ADAMTS6: variants seen among roughly 807,000 people sequenced by gnomAD.
The protein encoded by ADAMTS6 is ADAM metallopeptidase with thrombospondin type 1 motif 6.
Under a neutral mutation model 144.3 loss-of-function variants are expected in ADAMTS6, and 23 were observed. The observed-to-expected ratio is 0.16, with a 90% CI of 0.11 to 0.23. The LOEUF (loss-of-function observed/expected upper bound fraction) is 0.23. Among genes scored for constraint, ADAMTS6 ranks in the 10% least tolerant of loss-of-function variants. ADAMTS6 has a pLI of 1.00. For missense variants in ADAMTS6, 999 were observed against 1,379.6 expected (o/e 0.72, Z 4.37); for synonymous variants, 444 against 457.5 (o/e 0.97, Z 0.38).
chr5:65,422,700 T>C (rs1330284061), intron 7 of ADAMTS6, among the ~76,000 whole-genome samples: 1 of 151,846 alleles, frequency 6.6e-6, no homozygotes, highest in African/African-American at 2.4e-5. Context: ...CTAGTGAGAA[T>C]GTAAATTACT....
At chr5:65,264,068 G>A (rs935825128) in intron 12 of ADAMTS6, among the ~76,000 whole-genome samples, 12 of 152,070 alleles carry the variant, frequency 7.9e-5, no homozygotes, top group African/African-American at 2.7e-4. Context: ...CTTCTTCATC[G>A]CTATACTCTA....
Position 65,172,875 on chromosome 5 carries a change from C to T in ADAMTS6, c.3044G>A (p.Gly1015Asp). ...GACCCAGCGAGGAGGAGGGCAGCGG[C>T]CCAAACTGCAGCGGATGCGGACAGG... ...KPPVRIRCSL[G>D]RCPPPRWVTG... The change falls in exon 23 of 25, where the codon GGC becomes GAC. Residue 1015 changes from glycine (G) to aspartate (D), a missense_variant. Transcript: ENST00000381055. 1 of 1,614,198 alleles carries T rather than the reference C, an allele frequency of 6.2e-7. No individual in the cohort carries two copies. Among genetic ancestry groups the T allele is most frequent in the Non-Finnish European group, 8.5e-7 (1 of 1,180,028 alleles).
At chr5:65,326,117 AC>A (rs1484768263) in intron 9 of ADAMTS6, among the ~76,000 whole-genome samples, 4 of 151,928 alleles carry the variant, frequency 2.6e-5, no homozygotes, top group Admixed American at 2.0e-4. Context: ...TATTTTTAAG[AC>A]CCCTTGTTAA....
At chr5:65,406,362 G>T (rs1347868472) in intron 7 of ADAMTS6, among the ~76,000 whole-genome samples, 1 of 152,008 alleles carries the variant, frequency 6.6e-6, no homozygotes, top group Non-Finnish European at 1.5e-5. Context: ...ATGAAGGGGT[G>T]TTGAATTTTG....
intron 14 of ADAMTS6, among the ~76,000 whole-genome samples, chr5:65,259,045 T>C (rs555461246): frequency 8.7e-4 from 132 of 152,080 alleles, no homozygotes; most frequent in African/African-American, 3.1e-3. Context: ...TACTCTAACA[T>C]TGAGGTCAGA....
intron 7 of ADAMTS6, among the ~76,000 whole-genome samples, chr5:65,379,319 C>G (rs1751829903): frequency 6.6e-6 from 1 of 152,090 alleles, no homozygotes; most frequent in Non-Finnish European, 1.5e-5. Context: ...GGGATTGAAC[C>G]CCATCTTTGC....
chr5:65,407,826 T>A (rs895665875), intron 7 of ADAMTS6, among the ~76,000 whole-genome samples: 2 of 152,106 alleles, frequency 1.3e-5, no homozygotes, highest in Admixed American at 6.6e-5. Context: ...CTATTCACAA[T>A]AGCAAAGACT....
At chr5:65,276,517 A>G (rs1268033382) in intron 11 of ADAMTS6, among the ~76,000 whole-genome samples, 1 of 152,226 alleles carries the variant, frequency 6.6e-6, no homozygotes, top group Non-Finnish European at 1.5e-5. Context: ...CTCTTGAAAG[A>G]TAAAAAGAAA....
chr5:65,251,192 G>C (rs1224225966), intron 14 of ADAMTS6: 1 of 152,314 alleles, frequency 6.6e-6, no homozygotes, highest in Non-Finnish European at 1.5e-5. Context: ...CAGATCTGGG[G>C]TCTTCACTTT....
intron 1 of ADAMTS6, among the ~76,000 whole-genome samples, chr5:65,477,983 C>T (rs1760951790): frequency 6.6e-6 from 1 of 151,898 alleles, no homozygotes; most frequent in Non-Finnish European, 1.5e-5. Flanking sequence ...CAAAATTAGC[C>T]AGGCGTGGTG....
chr5:65,242,152 T>C lies in ADAMTS6; in HGVS notation c.1885A>G (p.Asn629Asp). ...TAATACTTTCCTCGGAAAGGCATAT[T>C]GTCAAAGTCTGCACACTGTTTCTCT... Reference protein sequence around the residue: ...FREKQCADFDNMPFRGKYYNW... With the variant: ...FREKQCADFDDMPFRGKYYNW... The change falls in exon 15 of 25, where the codon AAT becomes GAT. Residue 629 changes from asparagine to aspartate, a missense_variant. This residue lies in a region of ADAMTS6 where 619 missense variants were observed against 837.0 expected (regional missense o/e 0.74). Coordinates refer to ENST00000381055, the MANE Select transcript of ADAMTS6 (RefSeq NM_197941.4). 1 of 1,604,096 alleles carries C rather than the reference T, an allele frequency of 6.2e-7. No individual in the cohort carries two copies. Among genetic ancestry groups the C allele is most frequent in the Non-Finnish European group, 8.5e-7 (1 of 1,173,676 alleles).
intron 14 of ADAMTS6, chr5:65,251,209 T>C (rs1760130473): frequency 6.6e-6 from 1 of 152,354 alleles, no homozygotes; most frequent in African/African-American, 2.4e-5. Context: ...CTTTTCATAA[T>C]GGCTCTGCCA....
At chr5:65,275,273 A>G in intron 11 of ADAMTS6, among the ~76,000 whole-genome samples, 1 of 138,782 alleles carries the variant, frequency 7.2e-6, no homozygotes, top group Admixed American at 7.4e-5. Context: ...GTAGGGAGGG[A>G]GGGAAAGGAA....
At chr5:65,187,940 T>C in intron 22 of ADAMTS6, 76 bp downstream of exon 22, 1 of 1,429,666 alleles carries the variant, frequency 7.0e-7, no homozygotes, top group East Asian at 2.3e-5. Context: ...TGTTCAGGTG[T>C]CCTTAATATT....
At chr5:65,208,494 G>A (rs1756275686) in intron 20 of ADAMTS6, among the ~76,000 whole-genome samples, 2 of 152,098 alleles carry the variant, frequency 1.3e-5, no homozygotes, top group African/African-American at 4.8e-5. Context: ...GATATATCAT[G>A]TTTCCCTACT....
At chr5:65,161,178 C>G (rs1233397731) in intron 24 of ADAMTS6, among the ~76,000 whole-genome samples, 1 of 152,060 alleles carries the variant, frequency 6.6e-6, no homozygotes, top group Non-Finnish European at 1.5e-5. Context: ...AGCTGGACTA[C>G]AGATGCGTGC....
In ADAMTS6 at chr5:65,451,433, A is replaced by T. The variant is rs963299167; in HGVS notation, c.1073+42T>A. The stretch of plus-strand genomic sequence containing the variant: ...AACCAAATTTATTACAATAGTGAAT[A>T]AACACAACAATCAATGGAAAAATAC... On this transcript the variant is annotated intron_variant, in intron 7 of 24. Coordinates refer to ENST00000381055, the MANE Select transcript of ADAMTS6 (RefSeq NM_197941.4). 3 of 1,610,974 alleles carry T rather than the reference A, an allele frequency of 1.9e-6. No individual in the cohort carries two copies. In the Admixed American group the frequency reaches 5.1e-5, roughly 27 times the overall value.
At position 65,393,804 on chromosome 5, in the gene ADAMTS6, T is replaced by C. The variant is rs77027546; in HGVS notation, c.1073+57671A>G. 3.4e-3 allele frequency among the ~76,000 whole-genome samples: 523 copies of C among 152,338 alleles called. 2 individuals carry two copies. The highest frequency in any genetic ancestry group is 5.9e-3 in the Non-Finnish European group (398 of 68,018). Reference sequence around the variant, plus strand: ...CTTTTTCATTGTATGTGTAAAACAATCTTTCCAAAATGATGTTGATTTTAG... The same window carrying C: ...CTTTTTCATTGTATGTGTAAAACAACCTTTCCAAAATGATGTTGATTTTAG... On this transcript the variant is annotated intron_variant, in intron 7 of 24. Transcript: ENST00000381055.
intron 12 of ADAMTS6, among the ~76,000 whole-genome samples, chr5:65,271,962 T>C (rs954116383): frequency 1.1e-4 from 16 of 152,192 alleles, no homozygotes; most frequent in African/African-American, 3.4e-4. Context: ...AAAAAGATTC[T>C]AAATCCTTTT....
Sources: gnomAD v4.1 joint callset for allele counts (sites outside exome capture counted in the v4.1 genomes callset) on GRCh38, gnomAD v4.1.1 for gene constraint, gnomAD v4.1.1 regional missense constraint, MANE v1.5 for transcripts, NCBI Gene and HGNC (gene_info 2026-07-23, HGNC 2026-07-21) for gene names.